The following PKP4 variants were observed in gnomAD, a reference collection of about 807,000 sequenced individuals.
PKP4 encodes plakophilin-4.
A neutral mutation model predicts 145.1 loss-of-function variants in PKP4; 90 were observed. The observed-to-expected ratio is 0.62, with a 90% CI of 0.52 to 0.74. The LOEUF is 0.74. PKP4 is among the 30% of genes least tolerant of loss of function. The pLI, the probability that PKP4 is intolerant of heterozygous loss-of-function variation, is 0.00. For missense variants in PKP4, 1,340 were observed against 1,482.7 expected (o/e 0.90, Z 1.58); for synonymous variants, 563 against 577.2 (o/e 0.98, Z 0.35).
At chr2:158,577,625 G>A (rs903240385) in intron 3 of PKP4, among the ~76,000 whole-genome samples, 4 of 152,184 alleles carry the variant, frequency 2.6e-5, no homozygotes, top group African/African-American at 9.6e-5. Context: ...GCTGCCTTCA[G>A]ATTCCTCATA....
chr2:158,468,770 C>CTTTTTTTTTTTTT (rs58577988), intron 1 of PKP4, among the ~76,000 whole-genome samples: 3 of 109,968 alleles, frequency 2.7e-5, no homozygotes, highest in Non-Finnish European at 5.3e-5. Context: ...TCTTCTTCTT[C>CTTTTTTTTTTTTT]TTTTTTTTTT....
At chr2:158,556,123 G>A (rs757556279) in intron 2 of PKP4, among the ~76,000 whole-genome samples, 9 of 152,224 alleles carry the variant, frequency 5.9e-5, no homozygotes, top group Non-Finnish European at 1.0e-4. Flanking sequence ...ACATTGGCAA[G>A]TTTTGAAATA....
chr2:158,571,795 A>G (rs1248905461), intron 2 of PKP4, among the ~76,000 whole-genome samples: 3 of 152,160 alleles, frequency 2.0e-5, no homozygotes, highest in African/African-American at 7.2e-5. Context: ...ATGAAGTATG[A>G]CCTGCTTTCA....
In PKP4 at chr2:158,550,272, T is replaced by C. The variant is rs1311562611; in HGVS notation, c.132+16956T>C. ...GCCAGAGTTGTAAGAATGTCACTTA[T>C]AGCTTACAAAGTCATAACTTAATAA... On this transcript the variant is annotated intron_variant, in intron 2 of 21. Coordinates refer to ENST00000389759, the MANE Select transcript of PKP4 (RefSeq NM_003628.6). Among the ~76,000 whole-genome samples the C allele has an allele frequency of 4.6e-5, 7 of 152,328 alleles. No individual in the cohort carries two copies. The East Asian group carries it at 5.8e-4, about 13-fold the overall frequency.
intron 11 of PKP4, among the ~76,000 whole-genome samples, chr2:158,645,407 G>A (rs578129058): frequency 6.6e-6 from 1 of 152,192 alleles, no homozygotes; most frequent in Non-Finnish European, 1.5e-5. Flanking sequence ...TTTACCCTGA[G>A]CCTACTGTTA....
Position 158,631,929 on chromosome 2 carries a change from C to T in PKP4, c.1330C>T (p.Arg444Cys), listed in dbSNP as rs201943462. 2.8e-5 allele frequency: 45 copies of T among 1,613,574 alleles called. No individual in the cohort carries two copies. In the Middle Eastern group the frequency reaches 1.4e-3, roughly 51 times the overall value. Residue 444 changes from arginine to cysteine, a missense_variant, in exon 8 of 22, where the codon CGC becomes TGC. Physicochemically the swap from Arg to Cys is radical, Grantham distance 180. Transcript: ENST00000389759. Reference protein sequence around the residue: ...ELQGSQTALYRTGSVGIGNLQ... With the variant: ...ELQGSQTALYCTGSVGIGNLQ... ...CCAAGGATCGCAGACGGCGTTGTAT[C>T]GCACAGGTTCAGGTGGGCATCAACT...
chr2:158,487,637 T>C (rs1018423397), intron 1 of PKP4, among the ~76,000 whole-genome samples: 7 of 152,202 alleles, frequency 4.6e-5, no homozygotes, highest in African/African-American at 1.7e-4. Context: ...TGAAAGAACT[T>C]GAAGGTAAAA....
At chr2:158,464,124 G>T (rs1690210289) in intron 1 of PKP4, among the ~76,000 whole-genome samples, 1 of 152,218 alleles carries the variant, frequency 6.6e-6, no homozygotes, top group Non-Finnish European at 1.5e-5. Flanking sequence ...ATGGTGGTTA[G>T]AAGGGACTAG....
chr2:158,643,092 G>T (rs774683279), intron 11 of PKP4, among the ~76,000 whole-genome samples: 7 of 152,140 alleles, frequency 4.6e-5, no homozygotes, highest in African/African-American at 9.7e-5. Flanking sequence ...GTGTCTGAGT[G>T]CCTGTTTGTA....
chr2:158,479,659 A>G (rs767782602), intron 1 of PKP4, among the ~76,000 whole-genome samples: 4 of 152,128 alleles, frequency 2.6e-5, no homozygotes, highest in Non-Finnish European at 5.9e-5. Context: ...TGTCTTTATC[A>G]ATTTGGAAAG....
intron 2 of PKP4, among the ~76,000 whole-genome samples, chr2:158,552,075 G>T (rs1048250460): frequency 2.6e-5 from 4 of 152,196 alleles, no homozygotes; most frequent in East Asian, 1.9e-4. Flanking sequence ...ATCCAGGTGA[G>T]TTCTAAATGC....
chr2:158,600,692 T>C (rs915387616), intron 3 of PKP4, among the ~76,000 whole-genome samples: 3 of 152,204 alleles, frequency 2.0e-5, no homozygotes, highest in African/African-American at 7.2e-5. Flanking sequence ...CTGTTATGAA[T>C]AACATGTAAT....
intron 1 of PKP4, among the ~76,000 whole-genome samples, chr2:158,506,297 G>A (rs1011263287): frequency 6.6e-6 from 1 of 152,184 alleles, no homozygotes; most frequent in African/African-American, 2.4e-5. Flanking sequence ...GATGAAGAAG[G>A]CCTAAGAGGA....
intron 1 of PKP4, among the ~76,000 whole-genome samples, chr2:158,464,026 A>G (rs1395357301): frequency 1.3e-5 from 2 of 152,176 alleles, no homozygotes; most frequent in Non-Finnish European, 1.5e-5. Flanking sequence ...CTTGTCTACA[A>G]CCAGTCCCCT....
intron 2 of PKP4, among the ~76,000 whole-genome samples, chr2:158,572,371 T>C (rs929297376): frequency 1.3e-5 from 2 of 152,348 alleles, no homozygotes; most frequent in African/African-American, 2.4e-5. Flanking sequence ...AATATTTGAA[T>C]TGTCTTTTTA....
intron 1 of PKP4, among the ~76,000 whole-genome samples, chr2:158,474,477 G>A (rs989181244): frequency 6.6e-6 from 1 of 152,170 alleles, no homozygotes; most frequent in Non-Finnish European, 1.5e-5. Flanking sequence ...CATCGGAAGT[G>A]TCAAAGTTAA....
intron 3 of PKP4, among the ~76,000 whole-genome samples, chr2:158,590,095 A>G (rs375194439): frequency 1.4e-4 from 22 of 152,190 alleles, no homozygotes; most frequent in African/African-American, 5.3e-4. Flanking sequence ...TAAGAAATCA[A>G]TATAATCTGT....
At chr2:158,604,225 A>G (rs1467446481) in intron 4 of PKP4, among the ~76,000 whole-genome samples, 1 of 152,142 alleles carries the variant, frequency 6.6e-6, no homozygotes, top group East Asian at 1.9e-4. Flanking sequence ...GCGGCTCTGG[A>G]GAGGGCATTG....
At chr2:158,647,328 T>G (rs2054927555) in intron 11 of PKP4, among the ~76,000 whole-genome samples, 1 of 152,192 alleles carries the variant, frequency 6.6e-6, no homozygotes, top group Non-Finnish European at 1.5e-5. Context: ...GTTCCAAATA[T>G]TATATAATTT....
Sources: gnomAD v4.1 joint callset for allele counts (sites outside exome capture counted in the v4.1 genomes callset) on GRCh38, gnomAD v4.1.1 for gene constraint, MANE v1.5 for transcripts, NCBI Gene and HGNC (gene_info 2026-07-23, HGNC 2026-07-21) for gene names.